NCK2: variants seen among roughly 807,000 people sequenced by gnomAD.
NCK2 encodes NCK adaptor protein 2, also known as cytoplasmic protein NCK2.
A neutral mutation model predicts 33.9 loss-of-function variants in NCK2; 16 were observed. That is an observed-to-expected ratio of 0.47 (90% CI 0.32 to 0.72). The LOEUF is 0.72. Among genes scored for constraint, NCK2 ranks in the 30% least tolerant of loss-of-function variants. The pLI, the probability that NCK2 is intolerant of heterozygous loss-of-function variation, is 0.03. For synonymous variants in NCK2, 273 were observed against 239.9 expected (o/e 1.14, Z -1.27); for missense variants, 418 against 537.3 (o/e 0.78, Z 2.19).
intron 1 of NCK2, among the ~76,000 whole-genome samples, chr2:105,796,303 A>T (rs1194008788): frequency 6.6e-6 from 1 of 152,224 alleles, no homozygotes; most frequent in Non-Finnish European, 1.5e-5. Flanking sequence ...TTTGTCATTG[A>T]TGGCACACAG....
intron 1 of NCK2, among the ~76,000 whole-genome samples, chr2:105,755,975 C>T (rs1390957840): frequency 2.6e-5 from 4 of 152,166 alleles, no homozygotes; most frequent in Admixed American, 1.3e-4. Context: ...TTAGACCTTA[C>T]GAAGGGAAAA....
At chr2:105,840,717 A>G (rs1676610354) in intron 2 of NCK2, among the ~76,000 whole-genome samples, 1 of 152,272 alleles carries the variant, frequency 6.6e-6, no homozygotes, top group South Asian at 2.1e-4. Flanking sequence ...CTAGAGCAGC[A>G]CACAGAACTC....
intron 1 of NCK2, among the ~76,000 whole-genome samples, chr2:105,793,087 C>T (rs1368777453): frequency 6.6e-6 from 1 of 151,998 alleles, no homozygotes; most frequent in African/African-American, 2.4e-5. Flanking sequence ...ATATAATGGC[C>T]GTGGAATTGA....
chr2:105,830,956 C>T (rs1413515790), intron 2 of NCK2, among the ~76,000 whole-genome samples: 1 of 151,828 alleles, frequency 6.6e-6, no homozygotes, highest in East Asian at 1.9e-4. Flanking sequence ...TTTTTGAATT[C>T]CTTGAATATT....
At chr2:105,873,762 C>T (rs762595150) in intron 3 of NCK2, among the ~76,000 whole-genome samples, 59 of 152,154 alleles carry the variant, frequency 3.9e-4, no homozygotes, top group Non-Finnish European at 7.3e-5. Flanking sequence ...TTGGGAAGTA[C>T]GATTGGATCC....
At chr2:105,859,917 A>G (rs552064319) in intron 3 of NCK2, among the ~76,000 whole-genome samples, 1 of 152,280 alleles carries the variant, frequency 6.6e-6, no homozygotes, top group African/African-American at 2.4e-5. Context: ...GGAGTTTGCA[A>G]AGCTGACTGC....
intron 1 of NCK2, among the ~76,000 whole-genome samples, chr2:105,775,052 A>G (rs943774227): frequency 2.0e-5 from 3 of 152,204 alleles, no homozygotes; most frequent in African/African-American, 7.2e-5. Context: ...AATAATTACC[A>G]GATGGATTCA....
chr2:105,890,933 C>T (rs1202610125), intron 4 of NCK2, among the ~76,000 whole-genome samples: 3 of 152,346 alleles, frequency 2.0e-5, no homozygotes, highest in South Asian at 4.1e-4. Context: ...CTGCTGGACC[C>T]TCAGAGCAGG....
chr2:105,791,332 C>T (rs921610655), intron 1 of NCK2, among the ~76,000 whole-genome samples: 1 of 152,196 alleles, frequency 6.6e-6, no homozygotes, highest in Non-Finnish European at 1.5e-5. Flanking sequence ...CACGTAACCT[C>T]TGTGCCTTCA....
At chr2:105,781,569 C>T (rs1690498291) in intron 1 of NCK2, among the ~76,000 whole-genome samples, 1 of 152,220 alleles carries the variant, frequency 6.6e-6, no homozygotes, top group African/African-American at 2.4e-5. Flanking sequence ...TCATGACCTG[C>T]CATTGCCATA....
intron 2 of NCK2, among the ~76,000 whole-genome samples, chr2:105,833,104 T>TA (rs1676262823): frequency 6.6e-6 from 1 of 151,508 alleles, no homozygotes; most frequent in African/African-American, 2.4e-5. Flanking sequence ...TCTTCTTTTC[T>TA]TTTTTTTGAG....
At chr2:105,804,754 T>C (rs73949314) in intron 1 of NCK2, among the ~76,000 whole-genome samples, 1,674 of 152,338 alleles carry the variant, frequency 0.011, 30 homozygotes, top group African/African-American at 0.038. Flanking sequence ...ATATGATATG[T>C]AAGAACCATT....
intron 2 of NCK2, among the ~76,000 whole-genome samples, chr2:105,849,254 C>T (rs1239087335): frequency 2.0e-5 from 3 of 152,074 alleles, no homozygotes; most frequent in Non-Finnish European, 2.9e-5. Context: ...ACTAGCAGGG[C>T]GCGGTGGTGC....
intron 1 of NCK2, among the ~76,000 whole-genome samples, chr2:105,784,014 G>A (rs532771307): frequency 3.2e-4 from 48 of 152,242 alleles, no homozygotes; most frequent in Non-Finnish European, 4.9e-4. Flanking sequence ...TCAGCTGGAC[G>A]GCAGGTCCCT....
At chr2:105,821,046 T>C (rs1234920629) in intron 2 of NCK2, among the ~76,000 whole-genome samples, 2 of 152,246 alleles carry the variant, frequency 1.3e-5, no homozygotes, top group Non-Finnish European at 2.9e-5. Flanking sequence ...ACATTGAGCC[T>C]GTCACTCTTA....
chr2:105,811,329 G>A (rs1449245248), intron 1 of NCK2, among the ~76,000 whole-genome samples: 1 of 152,164 alleles, frequency 6.6e-6, no homozygotes, highest in African/African-American at 2.4e-5. Context: ...AGAGGCATTT[G>A]GTGGCCAAGT....
intron 2 of NCK2, among the ~76,000 whole-genome samples, chr2:105,824,591 A>C (rs17031841): frequency 6.6e-6 from 1 of 151,838 alleles, no homozygotes; most frequent in Non-Finnish European, 1.5e-5. Context: ...TTTGTAATAC[A>C]TTGGTCATTT....
intron 1 of NCK2, among the ~76,000 whole-genome samples, chr2:105,763,122 C>T (rs1427001058): frequency 6.6e-6 from 1 of 152,122 alleles, no homozygotes; most frequent in Non-Finnish European, 1.5e-5. Context: ...TGCTTGAACC[C>T]AGAAGGCAGA....
intron 4 of NCK2, among the ~76,000 whole-genome samples, chr2:105,884,905 T>C (rs1344766428): frequency 6.6e-6 from 1 of 152,204 alleles, no homozygotes; most frequent in Non-Finnish European, 1.5e-5. Context: ...TATCATACCT[T>C]CACCTGTGAG....
Sources: allele counts gnomAD v4.1 joint callset (sites outside exome capture counted in the v4.1 genomes callset), GRCh38; gene constraint gnomAD v4.1.1; transcripts MANE v1.5; gene names NCBI Gene and HGNC (gene_info 2026-07-23, HGNC 2026-07-21).